ITGBL1: variants seen among roughly 807,000 people sequenced by gnomAD.
ITGBL1 encodes the protein integrin beta-like protein 1.
Under a neutral mutation model 68.5 loss-of-function variants are expected in ITGBL1, and 51 were observed. That is an observed-to-expected ratio of 0.74 (90% CI 0.59 to 0.94). ITGBL1 has a LOEUF of 0.94. Ranked by LOEUF, ITGBL1 falls within the 40% of genes least tolerant of loss-of-function variation. ITGBL1 has a pLI of 0.00. For synonymous variants in ITGBL1, 209 were observed against 227.3 expected (o/e 0.92, Z 0.72); for missense variants, 649 against 647.4 (o/e 1.00, Z -0.03).
intron 7 of ITGBL1, among the ~76,000 whole-genome samples, chr13:101,605,223 G>C (rs2030699709): frequency 7.2e-6 from 1 of 139,006 alleles, no homozygotes; most frequent in Non-Finnish European, 1.5e-5. Context: ...TACACATATA[G>C]ACATAGGCAT....
chr13:101,597,771 C>G (rs2030075692), intron 6 of ITGBL1, among the ~76,000 whole-genome samples: 1 of 152,012 alleles, frequency 6.6e-6, no homozygotes, highest in South Asian at 2.1e-4. Context: ...TCAGGCTGGT[C>G]TCAAACTCCT....
intron 7 of ITGBL1, among the ~76,000 whole-genome samples, chr13:101,603,540 C>A (rs2030518069): frequency 6.6e-6 from 1 of 151,808 alleles, no homozygotes; most frequent in Admixed American, 6.6e-5. Flanking sequence ...GATTAAAATT[C>A]ATATCCCTCA....
chr13:101,535,694 A>G (rs577781393), intron 2 of ITGBL1, among the ~76,000 whole-genome samples: 2 of 152,218 alleles, frequency 1.3e-5, no homozygotes, highest in Admixed American at 6.5e-5. Flanking sequence ...AACAACAACA[A>G]TGACAATAAC....
chr13:101,593,950 C>T (rs2050700295), intron 6 of ITGBL1, among the ~76,000 whole-genome samples: 1 of 152,030 alleles, frequency 6.6e-6, no homozygotes, highest in African/African-American at 2.4e-5. Context: ...ATAAGGTGAT[C>T]ATCATGTGAA....
At chr13:101,692,315 C>A (rs1018013210) in intron 7 of ITGBL1, among the ~76,000 whole-genome samples, 3 of 152,024 alleles carry the variant, frequency 2.0e-5, no homozygotes, top group African/African-American at 4.8e-5. Context: ...TGGATTTATT[C>A]AAAAATGAAT....
chr13:101,604,946 GT>G (rs2030642143), intron 7 of ITGBL1, among the ~76,000 whole-genome samples: 1 of 4,224 alleles, frequency 2.4e-4, no homozygotes, highest in Non-Finnish European at 2.2e-3. Flanking sequence ...ATGTATATAT[GT>G]GTACATGTGT....
rs900667023 is a variant in ITGBL1 at position 101,463,036 on chromosome 13, G to C, written c.316+8936G>C. Among the ~76,000 whole-genome samples, 5 of 152,084 alleles carry C rather than the reference G, an allele frequency of 3.3e-5. No homozygotes were observed. The East Asian group carries it at 9.6e-4, about 29-fold the overall frequency. On this transcript the variant is annotated intron_variant, in intron 2 of 10. Coordinates refer to ENST00000376180, the MANE Select transcript of ITGBL1 (RefSeq NM_004791.3). The stretch of plus-strand genomic sequence containing the variant: ...GGTTACCCAAGAGGTTACAACCTCT[G>C]TTTCCTTATGGTTGAAAAGAGGGCA...
chr13:101,466,650 C>T (rs2048385676), intron 2 of ITGBL1, among the ~76,000 whole-genome samples: 1 of 152,140 alleles, frequency 6.6e-6, no homozygotes, highest in Non-Finnish European at 1.5e-5. Flanking sequence ...CTTATGTTTA[C>T]AAATATGCTG....
intron 2 of ITGBL1, among the ~76,000 whole-genome samples, chr13:101,470,503 GCA>G (rs1009116762): frequency 8.6e-5 from 13 of 151,946 alleles, no homozygotes; most frequent in Non-Finnish European, 1.6e-4. Flanking sequence ...CCAACTATAT[GCA>G]CACAGTCTGT....
At chr13:101,671,446 TG>T (rs1168289271) in intron 7 of ITGBL1, among the ~76,000 whole-genome samples, 1,836 of 93,094 alleles carry the variant, frequency 0.02, 87 homozygotes, top group Middle Eastern at 0.028. Context: ...TGTTTTTTTT[TG>T]TTTTTTTTTG....
chr13:101,599,605 A>T (rs1479271203), intron 7 of ITGBL1, among the ~76,000 whole-genome samples: 1 of 152,164 alleles, frequency 6.6e-6, no homozygotes, highest in Non-Finnish European at 1.5e-5. Context: ...TCTTGAATTA[A>T]TTTTTGTATA....
chr13:101,579,066 G>C (rs1041656341), intron 4 of ITGBL1, among the ~76,000 whole-genome samples: 2 of 152,116 alleles, frequency 1.3e-5, no homozygotes, highest in African/African-American at 2.4e-5. Context: ...CCCTGTCTAG[G>C]CCAAGTTAAA....
intron 2 of ITGBL1, among the ~76,000 whole-genome samples, chr13:101,503,130 C>A (rs537885429): frequency 6.6e-6 from 1 of 152,262 alleles, no homozygotes; most frequent in Non-Finnish European, 1.5e-5. Context: ...ATGGGGTAAT[C>A]AATTTTAAAG....
intron 2 of ITGBL1, among the ~76,000 whole-genome samples, chr13:101,491,497 A>G (rs1041220957): frequency 4.6e-5 from 7 of 152,180 alleles, no homozygotes; most frequent in African/African-American, 1.7e-4. Context: ...GGCCTCCCAA[A>G]TTGTAACAAC....
rs566112101 is a variant in ITGBL1, at chr13:101,694,620, C to T, written c.1132+1919C>T. Among the ~76,000 whole-genome samples the T allele has an allele frequency of 3.9e-5, 6 of 152,138 alleles. No individual in the cohort carries two copies. The South Asian group carries it at 1.0e-3, about 26-fold the overall frequency. ...TTTTTGTGGAGATTTGGGGGTCTCA[C>T]TAAGTGGCCCAGATTGATCTTGAAC... On this transcript the variant is annotated intron_variant, in intron 8 of 10. Transcript: ENST00000376180.
intron 2 of ITGBL1, among the ~76,000 whole-genome samples, chr13:101,490,873 A>C (rs2048766093): frequency 6.6e-6 from 1 of 152,056 alleles, no homozygotes; most frequent in African/African-American, 2.4e-5. Context: ...TTTTCCCTTG[A>C]TTAGCTGGGA....
At chr13:101,704,484 T>TAA (rs57687698) in intron 8 of ITGBL1, among the ~76,000 whole-genome samples, 10,275 of 105,272 alleles carry the variant, frequency 0.098, 591 homozygotes, top group African/African-American at 0.14. Flanking sequence ...ATTCATTCAG[T>TAA]AAAAAAAAAA....
At chr13:101,534,649 G>C (rs2049540503) in intron 2 of ITGBL1, among the ~76,000 whole-genome samples, 1 of 152,224 alleles carries the variant, frequency 6.6e-6, no homozygotes, top group South Asian at 2.1e-4. Flanking sequence ...CAGAAAAAAA[G>C]GCAGCCTGTT....
Position 101,655,410 on chromosome 13 carries a change from T to TTC in ITGBL1, c.1016-37175_1016-37174insTC, listed in dbSNP as rs1399312186. Among the ~76,000 whole-genome samples the TTC allele has an allele frequency of 5.3e-5, 5 of 93,842 alleles. No individual in the cohort carries two copies. The East Asian group carries it at 1.5e-3, about 29-fold the overall frequency. The allele number at this position is 93,842 out of a possible 152,430, so 61.6% of individuals were successfully genotyped here. On this transcript the variant is annotated intron_variant, in intron 7 of 10. Transcript: ENST00000376180. ...AATTTAGTCAAATTTATGCATTAAT[T>TTC]ATCTTCAGAAAATGCAAATCCCTGT...
Sources: gnomAD v4.1 joint callset for allele counts (sites outside exome capture counted in the v4.1 genomes callset) on GRCh38, gnomAD v4.1.1 for gene constraint, MANE v1.5 for transcripts, NCBI Gene and HGNC (gene_info 2026-07-23, HGNC 2026-07-21) for gene names.